Variants in LINGO2 observed in about 807,000 individuals in gnomAD.
LINGO2 encodes leucine-rich repeat and immunoglobulin-like domain-containing nogo receptor-interacting protein 2.
A neutral mutation model predicts 30.6 loss-of-function variants in LINGO2; 14 were observed. That is an observed-to-expected ratio of 0.46 (90% CI 0.30 to 0.72). LINGO2 has a LOEUF of 0.72. Ranked by LOEUF, LINGO2 falls within the 30% of genes least tolerant of loss-of-function variation. LINGO2 has a pLI of 0.07. For missense variants in LINGO2, 729 were observed against 751.7 expected (o/e 0.97, Z 0.35); for synonymous variants, 317 against 288.5 (o/e 1.10, Z -1.00).
chr9:29,180,800 T>C, the LINGO2 span, among the ~76,000 whole-genome samples: 1 of 152,172 alleles, frequency 6.6e-6, no homozygotes, highest in Admixed American at 6.5e-5. Context: ...GTGGTACAAG[T>C]GTTTAATGAT....
rs140776368 is a variant in LINGO2, at chr9:28,461,234, T to C, written c.-279+14706A>G. On this transcript the variant is annotated intron_variant, in intron 2 of 5. Transcript: ENST00000379992. ...CGGATGGGCTTTTTGAAACATATTA[T>C]ACAATATCGAGATAATAAGACAATT... Among the ~76,000 whole-genome samples, 179 of 152,260 alleles carry C rather than the reference T, an allele frequency of 1.2e-3. 2 individuals carry two copies. Among genetic ancestry groups the C allele is most frequent in the African/African-American group, 4.1e-3 (172 of 41,556 alleles).
At chr9:29,206,700 C>T in the LINGO2 span, among the ~76,000 whole-genome samples, 1 of 152,208 alleles carries the variant, frequency 6.6e-6, no homozygotes, top group South Asian at 2.1e-4. Context: ...TGAGGTGATG[C>T]TCTATTCTAT....
At chr9:28,075,712 G>A (rs10968330) in intron 4 of LINGO2, among the ~76,000 whole-genome samples, 12,346 of 151,856 alleles carry the variant, frequency 0.081, 704 homozygotes, top group Middle Eastern at 0.17. Context: ...TCTATGCACT[G>A]CCAGTTTATT....
At chr9:28,726,804 A>G in the LINGO2 span, among the ~76,000 whole-genome samples, 3 of 152,200 alleles carry the variant, frequency 2.0e-5, no homozygotes, top group African/African-American at 7.2e-5. Context: ...TAAATGTTGG[A>G]ACAATAGGAA....
At chr9:28,557,943 C>A (rs1159120798) in intron 1 of LINGO2, among the ~76,000 whole-genome samples, 2 of 137,734 alleles carry the variant, frequency 1.5e-5, no homozygotes, top group South Asian at 2.3e-4. Context: ...GGGAATTGAA[C>A]AATGAGATCA....
At chr9:29,125,728 C>T in the LINGO2 span, among the ~76,000 whole-genome samples, 1 of 152,100 alleles carries the variant, frequency 6.6e-6, no homozygotes, top group African/African-American at 2.4e-5. Flanking sequence ...CTGTGGAAGA[C>T]TAAATGAATG....
intron 2 of LINGO2, among the ~76,000 whole-genome samples, chr9:28,412,880 T>G (rs1349447530): frequency 2.6e-5 from 4 of 152,120 alleles, no homozygotes; most frequent in African/African-American, 9.7e-5. Flanking sequence ...CCACCTCCTC[T>G]GCCTCTGTCA....
chr9:29,047,132 T>C, the LINGO2 span, among the ~76,000 whole-genome samples: 1 of 151,264 alleles, frequency 6.6e-6, no homozygotes, highest in African/African-American at 2.4e-5. Context: ...GTGAAAATAT[T>C]AGCAACCTAT....
At chr9:29,024,664 A>G in the LINGO2 span, among the ~76,000 whole-genome samples, 1 of 152,184 alleles carries the variant, frequency 6.6e-6, no homozygotes, top group Non-Finnish European at 1.5e-5. Flanking sequence ...GTAGGAGGGA[A>G]AATCAGAGAG....
chr9:28,310,661 A>G (rs538638396), intron 3 of LINGO2, among the ~76,000 whole-genome samples: 1 of 152,330 alleles, frequency 6.6e-6, no homozygotes, highest in South Asian at 2.1e-4. Flanking sequence ...TGATGGTTTC[A>G]TGGGTATATT....
At chr9:27,999,436 C>CAGAGAGAGAGAGAGAGAGAGAG (rs36216761) in intron 5 of LINGO2, among the ~76,000 whole-genome samples, 97 of 143,740 alleles carry the variant, frequency 6.7e-4, no homozygotes, top group African/African-American at 2.3e-3. Flanking sequence ...GCCTAATCTT[C>CAGAGAGAGAGAGAGAGAGAGAG]AGAGAGAGAG....
chr9:29,203,532 C>G, the LINGO2 span, among the ~76,000 whole-genome samples: 1 of 152,198 alleles, frequency 6.6e-6, no homozygotes, highest in Non-Finnish European at 1.5e-5. Flanking sequence ...TACCCCAACT[C>G]TGACAAAAAA....
intron 4 of LINGO2, among the ~76,000 whole-genome samples, chr9:28,275,295 G>A (rs962083125): frequency 1.7e-4 from 26 of 151,680 alleles, no homozygotes; most frequent in African/African-American, 5.1e-4. Flanking sequence ...GGATGGTCTC[G>A]ACCTCCTGAC....
At chr9:28,660,205 T>G (rs545821764) in intron 1 of LINGO2, among the ~76,000 whole-genome samples, 15 of 152,166 alleles carry the variant, frequency 9.9e-5, no homozygotes, top group Non-Finnish European at 1.8e-4. Context: ...GATGAGTTTA[T>G]GCATCATAAC....
chr9:27,982,193 GT>G (rs1258493910), intron 5 of LINGO2, among the ~76,000 whole-genome samples: 1 of 151,804 alleles, frequency 6.6e-6, no homozygotes, highest in Non-Finnish European at 1.5e-5. Context: ...TCAGAGGTTT[GT>G]CTCTGTTCCT....
At chr9:28,771,173 T>C in the LINGO2 span, among the ~76,000 whole-genome samples, 31 of 152,218 alleles carry the variant, frequency 2.0e-4, no homozygotes, top group African/African-American at 7.0e-4. Context: ...CTTATATAGG[T>C]CAGTCGTAAG....
the LINGO2 span, among the ~76,000 whole-genome samples, chr9:28,861,119 T>G: frequency 8.4e-6 from 1 of 119,132 alleles, no homozygotes; most frequent in Non-Finnish European, 1.6e-5. Context: ...TATATTTATA[T>G]AATATAAATT....
intron 1 of LINGO2, among the ~76,000 whole-genome samples, chr9:28,590,127 T>G (rs2135701415): frequency 6.6e-6 from 1 of 152,224 alleles, no homozygotes; most frequent in Non-Finnish European, 1.5e-5. Flanking sequence ...ACTGGATCCC[T>G]TCCTGACACC....
intron 3 of LINGO2, among the ~76,000 whole-genome samples, chr9:28,361,273 A>G (rs542636739): frequency 6.6e-6 from 1 of 152,328 alleles, no homozygotes; most frequent in South Asian, 2.1e-4. Context: ...ATATTTAATT[A>G]TTAGTTATTG....
Sources: allele counts gnomAD v4.1 joint callset (sites outside exome capture counted in the v4.1 genomes callset), GRCh38; gene constraint gnomAD v4.1.1; transcripts MANE v1.5; gene names NCBI Gene and HGNC (gene_info 2026-07-23, HGNC 2026-07-21).